The following EEPD1 variants were observed in gnomAD, a reference collection of about 807,000 sequenced individuals.
The protein encoded by EEPD1 is endonuclease/exonuclease/phosphatase family domain containing 1, also known as endonuclease/exonuclease/phosphatase family domain-containing protein 1.
In EEPD1, 17 loss-of-function variants were observed where a neutral mutation model predicts 46.3. The ratio of observed to expected loss-of-function variants is 0.37; its 90% CI spans 0.25 to 0.55. The LOEUF is 0.55. Ranked by LOEUF, EEPD1 falls within the 20% of genes least tolerant of loss-of-function variation. The probability of loss-of-function intolerance (pLI) is 0.83; values close to 1 mark genes in which losing one functional copy is unlikely to be tolerated. For missense variants in EEPD1, 673 were observed against 745.6 expected, an observed-to-expected ratio of 0.90 and a Z score of 1.13; for synonymous variants, 313 against 315.6, an observed-to-expected ratio of 0.99 and a Z score of 0.09.
intron 3 of EEPD1, among the ~76,000 whole-genome samples, chr7:36,241,414 A>T (rs1353770033): frequency 6.6e-6 from 1 of 152,130 alleles, no homozygotes; most frequent in Non-Finnish European, 1.5e-5. Context: ...CGGAGGTTGC[A>T]GTGAGCTGAG....
intron 6 of EEPD1, among the ~76,000 whole-genome samples, chr7:36,294,690 AAAAAG>A (rs1293645176): frequency 6.6e-6 from 1 of 152,002 alleles, no homozygotes; most frequent in African/African-American, 2.4e-5. Context: ...ATCACAAACT[AAAAAG>A]AAAATCAGTT....
chr7:36,281,044 C>T (rs1787251748), intron 3 of EEPD1, 71 bp from the exon 4 acceptor site: 2 of 1,363,510 alleles, frequency 1.5e-6, no homozygotes, highest in Non-Finnish European at 2.1e-6. Flanking sequence ...TGCCTGGCTT[C>T]TCAGGCCGCC....
At position 36,173,315 on chromosome 7, in the gene EEPD1, C is replaced by T. The variant is rs554871842; in HGVS notation, c.878+18113C>T. On this transcript the variant is annotated intron_variant, in intron 2 of 7. Transcript: ENST00000242108. ...CATCGTGGCCAACATGGTGAAAGCC[C>T]GTTTATACTTAAAAAAAAAAAAAAA... 3.5e-5 allele frequency among the ~76,000 whole-genome samples: 4 copies of T among 114,364 alleles called. No homozygotes were observed. The Admixed American group carries it at 4.4e-4, about 13-fold the overall frequency. 75.0% of individuals were successfully genotyped at this position (114,364 alleles called of 152,430 possible).
chr7:36,165,867 A>T (rs562625116), intron 2 of EEPD1, among the ~76,000 whole-genome samples: 3 of 152,312 alleles, frequency 2.0e-5, no homozygotes, highest in East Asian at 3.9e-4. Context: ...CCCCTAAAAA[A>T]GTCTCCTGCA....
chr7:36,295,176 C>CAA (rs34168211), intron 6 of EEPD1, among the ~76,000 whole-genome samples: 246 of 138,084 alleles, frequency 1.8e-3, no homozygotes, highest in Admixed American at 2.5e-3. Context: ...GACTCTGTCT[C>CAA]AAAAAGAAAA....
At position 36,154,307 on chromosome 7, in the gene EEPD1, G is replaced by C; in HGVS notation, c.-18G>C. 2 of 1,599,340 alleles carry C rather than the reference G, an allele frequency of 1.3e-6. No individual in the cohort carries two copies. The highest frequency in any genetic ancestry group is 2.2e-5 in the East Asian group (1 of 44,776). On this transcript the variant is annotated 5_prime_UTR_variant, in exon 2 of 8. Transcript: ENST00000242108. The surrounding 1 kb of genome is among the most constrained non-coding windows in gnomAD (Gnocchi z 4.2). ...CTGCAGTGGTGCGGCCTTCCCGGGAGCCTGATCCTGGCGGACCATGGGGAG... is the reference window on the plus strand; with the variant it reads ...CTGCAGTGGTGCGGCCTTCCCGGGACCCTGATCCTGGCGGACCATGGGGAG...
At chr7:36,159,495 C>T (rs748422390) in intron 2 of EEPD1, among the ~76,000 whole-genome samples, 14 of 152,204 alleles carry the variant, frequency 9.2e-5, no homozygotes, top group Middle Eastern at 3.2e-3. Context: ...GGTTAAATAG[C>T]ATCTGTGTGG....
intron 3 of EEPD1, among the ~76,000 whole-genome samples, chr7:36,254,780 A>G (rs180905456): frequency 1.9e-4 from 29 of 152,248 alleles, no homozygotes; most frequent in Non-Finnish European, 4.0e-4. Context: ...CTATTTCTCC[A>G]CATCCTCTCC....
intron 2 of EEPD1, among the ~76,000 whole-genome samples, chr7:36,179,178 A>C (rs1409124037): frequency 6.6e-6 from 1 of 152,222 alleles, no homozygotes; most frequent in Non-Finnish European, 1.5e-5. Context: ...TTAGTGGTTT[A>C]CTACCCCCAG....
At chr7:36,183,007 G>A (rs1199530578) in intron 2 of EEPD1, among the ~76,000 whole-genome samples, 1 of 151,536 alleles carries the variant, frequency 6.6e-6, no homozygotes, top group African/African-American at 2.4e-5. Flanking sequence ...GGTCAGGTGA[G>A]CAGGGCCAGC....
intron 2 of EEPD1, among the ~76,000 whole-genome samples, chr7:36,184,436 C>T (rs1785327381): frequency 6.6e-6 from 1 of 152,190 alleles, no homozygotes; most frequent in South Asian, 2.1e-4. Flanking sequence ...ACAGCCAGTG[C>T]TCAACCCAGC....
At chr7:36,273,129 TACACAC>T (rs10578694) in intron 3 of EEPD1, among the ~76,000 whole-genome samples, 105 of 148,514 alleles carry the variant, frequency 7.1e-4, no homozygotes, top group East Asian at 4.2e-3. Flanking sequence ...GGTGCATGCT[TACACAC>T]ACACACACAC....
intron 2 of EEPD1, among the ~76,000 whole-genome samples, chr7:36,183,888 T>TG (rs3053348): frequency 0.13 from 18,112 of 135,370 alleles, 1,984 homozygotes; most frequent in Admixed American, 0.19. Flanking sequence ...TTTTTTTTTT[T>TG]ATTTTTAAAA....
intron 6 of EEPD1, among the ~76,000 whole-genome samples, chr7:36,292,755 C>T (rs1401999672): frequency 6.6e-6 from 1 of 152,154 alleles, no homozygotes; most frequent in Non-Finnish European, 1.5e-5. Context: ...GGATCCCCTG[C>T]CTCAGCCTCC....
chr7:36,201,079 G>A (rs1785704385), intron 2 of EEPD1, among the ~76,000 whole-genome samples: 1 of 152,072 alleles, frequency 6.6e-6, no homozygotes, highest in Non-Finnish European at 1.5e-5. Flanking sequence ...TGCATAATCA[G>A]AATTTAATCA....
intron 2 of EEPD1, among the ~76,000 whole-genome samples, chr7:36,218,470 C>T (rs10260648): frequency 0.11 from 17,212 of 151,978 alleles, 1,024 homozygotes; most frequent in East Asian, 0.22. Context: ...CTCAAAACAC[C>T]TTATACTGTA....
Position 36,296,735 on chromosome 7 carries a change from C to T in EEPD1, c.1316-258C>T, listed in dbSNP as rs533385763. Among the ~76,000 whole-genome samples, 5 of 132,720 alleles carry T rather than the reference C, an allele frequency of 3.8e-5. No homozygotes were observed. In the South Asian group the frequency reaches 1.2e-3, roughly 31 times the overall value. 87.1% of individuals were successfully genotyped at this position (132,720 alleles called of 152,430 possible). A position where few individuals can be genotyped will look rare whatever the true frequency, so the allele number is the denominator to read the frequency against. On this transcript the variant is annotated intron_variant, in intron 6 of 7. Transcript: ENST00000242108. ...TTTTTTTTGTGATAAGATTTGGAAC[C>T]CATAGGCTTCAACAAGGGTGATTTT...
rs572550353 is a variant in EEPD1, at chr7:36,295,769, G to A, written c.1316-1224G>A. On this transcript the variant is annotated intron_variant, in intron 6 of 7. Coordinates refer to ENST00000242108, the MANE Select transcript of EEPD1 (RefSeq NM_030636.3). ...AAAGCTGCCAGGTGTGGTGGCTCAC[G>A]CCTATAATCCCAGCACTTTGGGAGG... Among the ~76,000 whole-genome samples, 133 of 152,198 alleles carry A rather than the reference G, an allele frequency of 8.7e-4. 1 individual carries two copies. The highest frequency in any genetic ancestry group is 2.9e-3 in the African/African-American group (120 of 41,542).
chr7:36,240,638 G>A (rs1203425219), intron 3 of EEPD1, among the ~76,000 whole-genome samples: 4 of 152,224 alleles, frequency 2.6e-5, no homozygotes, highest in Non-Finnish European at 2.9e-5. Flanking sequence ...CATTGGATGT[G>A]GATAGTAAAT....
Sources: gnomAD v4.1 joint callset for allele counts (sites outside exome capture counted in the v4.1 genomes callset) on GRCh38, gnomAD v4.1.1 for gene constraint, Gnocchi (gnomAD v3.1) non-coding constraint, MANE v1.5 for transcripts, NCBI Gene and HGNC (gene_info 2026-07-23, HGNC 2026-07-21) for gene names.